PAK2: variants seen among roughly 807,000 people sequenced by gnomAD.
The protein encoded by PAK2 is serine/threonine-protein kinase PAK 2.
Under a neutral mutation model 65.9 loss-of-function variants are expected in PAK2, and 21 were observed. The observed-to-expected ratio is 0.32, with a 90% CI of 0.23 to 0.46. The LOEUF (loss-of-function observed/expected upper bound fraction) is 0.46. PAK2 is among the 20% of genes least tolerant of loss of function. PAK2 has a pLI of 1.00. For synonymous variants in PAK2, 204 were observed against 219.7 expected, an observed-to-expected ratio of 0.93 and a Z score of 0.63; for missense variants, 324 against 642.6, an observed-to-expected ratio of 0.50 and a Z score of 5.36.
chr3:196,794,025 G>A (rs1577726238), intron 2 of PAK2, among the ~76,000 whole-genome samples: 2 of 152,116 alleles, frequency 1.3e-5, no homozygotes, highest in South Asian at 4.1e-4. Context: ...CAGCTACTCA[G>A]GAGGCTGAGG....
At chr3:196,756,707 G>A (rs768018786) in intron 1 of PAK2, among the ~76,000 whole-genome samples, 2 of 152,210 alleles carry the variant, frequency 1.3e-5, no homozygotes, top group Admixed American at 6.5e-5. Flanking sequence ...GTGATGGCAC[G>A]CGCCTGTAGT....
chr3:196,805,225 C>G (rs1371823744), intron 4 of PAK2, 127 bp from the exon 5 acceptor site: 4 of 589,934 alleles, frequency 6.8e-6, no homozygotes, highest in Non-Finnish European at 1.2e-5. Context: ...GTTCATTTTT[C>G]TCAAGAGTTA....
Position 196,810,637 on chromosome 3 carries a change from G to A in PAK2, c.757G>A (p.Glu253Lys). 1 of 1,507,254 alleles carries A rather than the reference G, an allele frequency of 6.6e-7. No individual in the cohort carries two copies. Among genetic ancestry groups the A allele is most frequent in the Non-Finnish European group, 9.2e-7 (1 of 1,083,496 alleles). The allele number at this position is 1,507,254 out of a possible 1,614,324, so 93.4% of individuals were successfully genotyped here. A position where few individuals can be genotyped will look rare whatever the true frequency, so the allele number is the denominator to read the frequency against. The change falls in exon 8 of 15, where the codon GAA (glutamate) becomes AAA (lysine). Residue 253 changes from glutamate to lysine, a missense_variant. This residue lies in a region of PAK2 where 183 missense variants were observed against 246.2 expected (regional missense o/e 0.74). Transcript: ENST00000327134. ...CCCTAAGAAAAAATATACAAGATAT[G>A]AAAAAATTGGACAAGGGTAAGTATT... ...GDPKKKYTRY[E>K]KIGQGASGTV...
At chr3:196,802,671 C>T (rs543011754) in intron 3 of PAK2, among the ~76,000 whole-genome samples, 2 of 151,972 alleles carry the variant, frequency 1.3e-5, no homozygotes, top group South Asian at 4.2e-4. Flanking sequence ...GGTGAAACCC[C>T]GTCTCTACTA....
chr3:196,766,972 G>GTGTA (rs968379615), intron 1 of PAK2, among the ~76,000 whole-genome samples: 2 of 146,134 alleles, frequency 1.4e-5, no homozygotes, highest in South Asian at 2.2e-4. Context: ...GTGTGTGTGT[G>GTGTA]TGTATTGATA....
At chr3:196,802,401 C>CA (rs1341860932) in intron 3 of PAK2, among the ~76,000 whole-genome samples, 3 of 151,304 alleles carry the variant, frequency 2.0e-5, no homozygotes, top group Admixed American at 1.3e-4. Flanking sequence ...AACTCCGTCT[C>CA]AAAAAAAGGG....
chr3:196,775,514 C>A (rs1015691377), intron 1 of PAK2, among the ~76,000 whole-genome samples: 1 of 152,026 alleles, frequency 6.6e-6, no homozygotes, highest in African/African-American at 2.4e-5. Context: ...TCCCGAGTAG[C>A]TGGGACTACA....
intron 1 of PAK2, among the ~76,000 whole-genome samples, chr3:196,740,791 T>G (rs1298291126): frequency 6.6e-6 from 1 of 152,194 alleles, no homozygotes; most frequent in Non-Finnish European, 1.5e-5. Context: ...TGAAATTTGC[T>G]TCTTTAGATA....
chr3:196,829,403 A>G lies in PAK2; in HGVS notation c.*998A>G, dbSNP rs1167331527. On this transcript the variant is annotated 3_prime_UTR_variant, in exon 15 of 15. Coordinates refer to ENST00000327134, the MANE Select transcript of PAK2 (RefSeq NM_002577.4). Reference sequence around the variant, plus strand: ...TCATTAATCCTCTCTCACCTCACAGATACCCCCTCCCATGGCAAATAATAT... The same window carrying G: ...TCATTAATCCTCTCTCACCTCACAGGTACCCCCTCCCATGGCAAATAATAT... 2 of 152,522 alleles carry G rather than the reference A, an allele frequency of 1.3e-5. No individual in the cohort carries two copies. The highest frequency in any genetic ancestry group is 4.1e-4 in the South Asian group (2 of 4,824). 9.4% of individuals were successfully genotyped at this position (152,522 alleles called of 1,614,324 possible).
chr3:196,761,812 G>A lies in PAK2; in HGVS notation c.-21-20814G>A, dbSNP rs1173520760. On this transcript the variant is annotated intron_variant, in intron 1 of 14. Coordinates refer to ENST00000327134, the MANE Select transcript of PAK2 (RefSeq NM_002577.4). ...TGACCCCCACCTCCCTCCCGGATGG[G>A]GCGGCTGGCCGGGCGGGGGGCTGAC... Among the ~76,000 whole-genome samples the A allele has an allele frequency of 3.7e-5, 5 of 135,674 alleles. No individual in the cohort carries two copies. In the East Asian group the frequency reaches 1.0e-3, roughly 28 times the overall value. 89.0% of individuals were successfully genotyped at this position (135,674 alleles called of 152,430 possible).
chr3:196,805,203 G>C (rs1339658750), intron 4 of PAK2, 149 bp from the exon 5 acceptor site: 1 of 539,928 alleles, frequency 1.9e-6, no homozygotes, highest in East Asian at 3.5e-5. Context: ...ATTCTTATTT[G>C]ACTACTTGCG....
intron 6 of PAK2, 113 bp downstream of exon 6, chr3:196,806,799 C>A: frequency 4.5e-6 from 3 of 673,808 alleles, no homozygotes; most frequent in Non-Finnish European, 5.3e-6. Context: ...AGTTTAAAAT[C>A]GTTTAGTATG....
intron 2 of PAK2, among the ~76,000 whole-genome samples, chr3:196,792,006 C>T (rs561295935): frequency 5.9e-5 from 9 of 152,106 alleles, no homozygotes; most frequent in East Asian, 5.8e-4. Flanking sequence ...CTCAGGGAGC[C>T]GAGTCTGGCT....
At chr3:196,789,545 C>G (rs923130828) in intron 2 of PAK2, among the ~76,000 whole-genome samples, 3 of 152,002 alleles carry the variant, frequency 2.0e-5, no homozygotes, top group Non-Finnish European at 2.9e-5. Context: ...TCACTGCAAC[C>G]TCCGCCTCCT....
intron 11 of PAK2, among the ~76,000 whole-genome samples, chr3:196,815,560 GGGCA>G (rs1560116275): frequency 6.6e-6 from 1 of 151,564 alleles, no homozygotes; most frequent in Non-Finnish European, 1.5e-5. Flanking sequence ...AGGCCGAGGC[GGGCA>G]GATCATGAGG....
At chr3:196,748,154 T>G (rs893397300) in intron 1 of PAK2, among the ~76,000 whole-genome samples, 8 of 152,170 alleles carry the variant, frequency 5.3e-5, no homozygotes, top group African/African-American at 1.7e-4. Context: ...TTTAGAAATT[T>G]TTATTCATTT....
In PAK2 at chr3:196,820,718, C is replaced by T; in HGVS notation, c.1350+151C>T. The T allele has an allele frequency of 2.2e-6, 1 of 451,908 alleles. No individual in the cohort carries two copies. The allele number at this position is 451,908 out of a possible 1,614,324, so 28.0% of individuals were successfully genotyped here. ...TAACTCTGCATCTAGAAATCATTTG[C>T]TCTCTGAGTTACAAATTAATGTGTT... On this transcript the variant is annotated intron_variant, in intron 13 of 14. Transcript: ENST00000327134. The surrounding 1 kb of genome is among the most constrained non-coding windows in gnomAD (Gnocchi z 4.6).
chr3:196,803,520 C>T (rs756867502), intron 4 of PAK2, among the ~76,000 whole-genome samples: 13 of 152,088 alleles, frequency 8.5e-5, no homozygotes, highest in Non-Finnish European at 1.6e-4. Flanking sequence ...TAGACATGTT[C>T]ATACTAGAAA....
In PAK2 at chr3:196,791,519, A is replaced by G. The variant is rs2108748304; in HGVS notation, c.187+8686A>G. On this transcript the variant is annotated intron_variant, in intron 2 of 14. Transcript: ENST00000327134. This position sits in a 1 kb window ranked among gnomAD's most constrained non-coding sequence, Gnocchi z 4.0. ...AGAATATGACTAGGCCTTAGACACA[A>G]CAGGAACCAGGAATACTCTTGCTAG... Among the ~76,000 whole-genome samples, 1 of 152,310 alleles carries G rather than the reference A, an allele frequency of 6.6e-6. No individual in the cohort carries two copies. Among genetic ancestry groups the G allele is most frequent in the African/African-American group, 2.4e-5 (1 of 41,568 alleles).
Sources: allele counts gnomAD v4.1 joint callset (sites outside exome capture counted in the v4.1 genomes callset), GRCh38; gene constraint gnomAD v4.1.1; regional missense constraint gnomAD v4.1.1; non-coding constraint Gnocchi (gnomAD v3.1); transcripts MANE v1.5; gene names NCBI Gene and HGNC (gene_info 2026-07-23, HGNC 2026-07-21).